Variants in DIAPH2 observed in about 807,000 individuals in gnomAD.
The protein encoded by DIAPH2 is diaphanous related formin 2.
A neutral mutation model predicts 92.7 loss-of-function variants in DIAPH2; 35 were observed. The observed-to-expected ratio is 0.38, with a 90% CI of 0.29 to 0.50. DIAPH2 has a LOEUF of 0.50. Among genes scored for constraint, DIAPH2 ranks in the 20% least tolerant of loss-of-function variants. DIAPH2 has a pLI of 0.94. For missense variants in DIAPH2, 701 were observed against 819.5 expected (o/e 0.86, Z 1.77); for synonymous variants, 301 against 280.4 (o/e 1.07, Z -0.73).
intron 4 of DIAPH2, among the ~76,000 whole-genome samples, chrX:96,801,350 C>A (rs1228302675): frequency 8.9e-6 from 1 of 111,888 alleles, no homozygotes; most frequent in Non-Finnish European, 1.9e-5. Flanking sequence ...CTTTCAATTC[C>A]TGAAGTCTTT....
At chrX:97,244,108 A>T (rs1485993602) in intron 22 of DIAPH2, among the ~76,000 whole-genome samples, 1 of 112,160 alleles carries the variant, frequency 8.9e-6, no homozygotes, top group South Asian at 3.7e-4. Flanking sequence ...CAAAAAGTAC[A>T]TATGAAATGG....
intron 4 of DIAPH2, among the ~76,000 whole-genome samples, chrX:96,841,211 A>G (rs2064934405): frequency 8.9e-6 from 1 of 111,781 alleles, no homozygotes; most frequent in Admixed American, 9.5e-5. Flanking sequence ...TATATTCTAA[A>G]CGTTTATAGA....
At chrX:96,751,360 A>G (rs952497569) in intron 3 of DIAPH2, among the ~76,000 whole-genome samples, 14 of 108,830 alleles carry the variant, frequency 1.3e-4, no homozygotes, top group Non-Finnish European at 2.7e-4. Context: ...GCGGATCACG[A>G]GGTCAGGAGA....
At chrX:96,804,731 AAAAAT>A (rs1461788371) in intron 4 of DIAPH2, among the ~76,000 whole-genome samples, 3 of 111,753 alleles carry the variant, frequency 2.7e-5, no homozygotes, top group African/African-American at 9.7e-5. Context: ...TTAGTGTTCC[AAAAAT>A]AAAATAATAA....
chrX:96,774,238 T>C (rs1479404236), intron 4 of DIAPH2, among the ~76,000 whole-genome samples: 1 of 112,084 alleles, frequency 8.9e-6, no homozygotes. Flanking sequence ...GAGCTTGGCC[T>C]CTTAACCAAT....
intron 1 of DIAPH2, among the ~76,000 whole-genome samples, chrX:96,695,174 C>T (rs1007724928): frequency 1.2e-4 from 13 of 111,906 alleles, no homozygotes; most frequent in African/African-American, 4.2e-4. Context: ...TGGTCCTGAA[C>T]TCCTGGCCTC....
intron 25 of DIAPH2, among the ~76,000 whole-genome samples, chrX:97,420,106 A>G (rs954216564): frequency 2.7e-5 from 3 of 111,545 alleles, no homozygotes; most frequent in East Asian, 2.8e-4. Context: ...TCATCTCTCA[A>G]TCTTCTAGCA....
intron 4 of DIAPH2, among the ~76,000 whole-genome samples, chrX:96,871,111 A>C (rs1342225139): frequency 8.9e-6 from 1 of 112,124 alleles, no homozygotes; most frequent in African/African-American, 3.2e-5. Context: ...ATTGCACATT[A>C]TCATTGATCA....
At chrX:96,765,310 A>T (rs1456948986) in intron 4 of DIAPH2, among the ~76,000 whole-genome samples, 1 of 101,511 alleles carries the variant, frequency 9.9e-6, no homozygotes, top group Non-Finnish European at 2.0e-5. Flanking sequence ...CCATCCTCCC[A>T]CCTTAGCCTC....
chrX:96,907,355 G>A (rs2065439994), intron 5 of DIAPH2, among the ~76,000 whole-genome samples: 1 of 112,181 alleles, frequency 8.9e-6, no homozygotes, highest in African/African-American at 3.2e-5. Flanking sequence ...TGAAACGTAT[G>A]TTTGTCTGTC....
chrX:97,066,775 T>C (rs761011838), intron 17 of DIAPH2, among the ~76,000 whole-genome samples: 1 of 112,128 alleles, frequency 8.9e-6, no homozygotes, highest in Non-Finnish European at 1.9e-5. Context: ...GGTGTGCAAG[T>C]ATATTAGTTA....
intron 4 of DIAPH2, among the ~76,000 whole-genome samples, chrX:96,783,888 TC>T (rs2064436527): frequency 8.9e-6 from 1 of 112,183 alleles, no homozygotes; most frequent in Admixed American, 9.5e-5. Flanking sequence ...CTAGTTACCA[TC>T]CATCTGCATC....
chrX:97,128,616 A>G (rs1486169124), intron 21 of DIAPH2, among the ~76,000 whole-genome samples: 1 of 111,957 alleles, frequency 8.9e-6, no homozygotes, highest in Non-Finnish European at 1.9e-5. Flanking sequence ...TGTTGTTTGT[A>G]TACAGCTTTG....
intron 12 of DIAPH2, among the ~76,000 whole-genome samples, chrX:96,941,588 G>A (rs1337282007): frequency 6.3e-5 from 7 of 111,436 alleles, no homozygotes; most frequent in African/African-American, 2.3e-4. Flanking sequence ...GTAAATTCAA[G>A]ACATTGCTTG....
chrX:97,199,132 T>A lies in DIAPH2; in HGVS notation c.2720-48583T>A, dbSNP rs952867432. Among the ~76,000 whole-genome samples, 16 of 110,453 alleles carry A rather than the reference T, an allele frequency of 1.4e-4. 1 individual carries two copies. The highest frequency in any genetic ancestry group is 2.8e-4 in the Non-Finnish European group (15 of 52,972). Reference sequence around the variant, plus strand: ...AGTGCTGAGTTTTTCTCTTACCCTATTTTTTATAATCTCCCCTTATAATAG... The same window carrying A: ...AGTGCTGAGTTTTTCTCTTACCCTAATTTTTATAATCTCCCCTTATAATAG... On this transcript the variant is annotated intron_variant, in intron 22 of 26. Transcript: ENST00000324765.
intron 22 of DIAPH2, among the ~76,000 whole-genome samples, chrX:97,150,015 ATTATTT>A (rs1159227851): frequency 3.6e-5 from 4 of 110,585 alleles, no homozygotes; most frequent in African/African-American, 1.3e-4. Flanking sequence ...TTTTTTTATT[ATTATTT>A]TTATTTTTGG....
intron 21 of DIAPH2, 121 bp downstream of exon 21, chrX:97,115,086 C>G (rs1453433857): frequency 1.1e-5 from 7 of 630,787 alleles, no homozygotes; most frequent in Non-Finnish European, 1.6e-5. Flanking sequence ...GGTGAATTTT[C>G]TGGGATGCGA....
chrX:97,557,836 A>T (rs984038143), intron 26 of DIAPH2, among the ~76,000 whole-genome samples: 2 of 112,209 alleles, frequency 1.8e-5, no homozygotes, highest in South Asian at 7.5e-4. Context: ...GTCTTAATAA[A>T]CAAATACAGC....
chrX:96,962,272 TAC>T (rs376089704), intron 16 of DIAPH2, among the ~76,000 whole-genome samples: 216 of 81,600 alleles, frequency 2.6e-3, no homozygotes, highest in Non-Finnish European at 3.6e-3. Flanking sequence ...TATATATATA[TAC>T]ATATATATAT....
Sources: gnomAD v4.1 joint callset for allele counts (sites outside exome capture counted in the v4.1 genomes callset) on GRCh38, gnomAD v4.1.1 for gene constraint, MANE v1.5 for transcripts, NCBI Gene and HGNC (gene_info 2026-07-23, HGNC 2026-07-21) for gene names.